RPS6KA2: variants seen among roughly 807,000 people sequenced by gnomAD.
RPS6KA2 encodes the protein ribosomal protein S6 kinase A2.
RPS6KA2 carries 42 observed loss-of-function variants against 91.8 expected under a neutral mutation model. That is an observed-to-expected ratio of 0.46 (90% CI 0.36 to 0.59). RPS6KA2 has a LOEUF of 0.59. Among genes scored for constraint, RPS6KA2 ranks in the 20% least tolerant of loss-of-function variants. RPS6KA2 has a pLI of 0.00. For synonymous variants in RPS6KA2, 414 were observed against 393.6 expected (o/e 1.05, Z -0.61); for missense variants, 798 against 978.5 (o/e 0.82, Z 2.46).
rs73788109 is a variant in RPS6KA2 at position 166,745,815 on chromosome 6, T to C, written c.123+112385A>G. 7.4e-3 allele frequency among the ~76,000 whole-genome samples: 1,134 copies of C among 152,276 alleles called. 11 individuals carry two copies. Among genetic ancestry groups the C allele is most frequent in the African/African-American group, 0.026 (1,069 of 41,542 alleles). ...CCTGCCACAACTCCCTAGTGTGTCA[T>C]GGTTTAAAAATTATCTACCGAAATG... On this transcript the variant is annotated intron_variant, in intron 2 of 21. Coordinates refer to the RPS6KA2 transcript ENST00000503859.
At chr6:166,775,917 C>A (rs941558801) in intron 2 of RPS6KA2, among the ~76,000 whole-genome samples, 2 of 151,690 alleles carry the variant, frequency 1.3e-5, no homozygotes, top group Non-Finnish European at 2.9e-5. Context: ...ATGGAGGAAC[C>A]ACTGTGGACA....
chr6:166,728,161 AT>A (rs1790397638), intron 2 of RPS6KA2, among the ~76,000 whole-genome samples: 1 of 152,166 alleles, frequency 6.6e-6, no homozygotes, highest in African/African-American at 2.4e-5. Context: ...AGCAGTGCAA[AT>A]TTTGGTGTCG....
intron 10 of RPS6KA2, among the ~76,000 whole-genome samples, chr6:166,486,107 C>T (rs998220150): frequency 6.6e-6 from 1 of 152,212 alleles, no homozygotes; most frequent in African/African-American, 2.4e-5. Context: ...ACCGTCACCA[C>T]TGATGAAAAG....
At chr6:166,827,150 G>T (rs762482350) in intron 2 of RPS6KA2, among the ~76,000 whole-genome samples, 17 of 150,532 alleles carry the variant, frequency 1.1e-4, no homozygotes, top group Non-Finnish European at 2.4e-4. Context: ...TTGACAAATA[G>T]AGCTGGGGAA....
At position 166,778,290 on chromosome 6, in the gene RPS6KA2, G is replaced by A. The variant is rs1307811148; in HGVS notation, c.123+79910C>T. ...GATGGCCTCTGCAACGACTGGCGCC[G>A]GCCAACTGACTGATCAACCTCATAC... On this transcript the variant is annotated intron_variant, in intron 2 of 21. Transcript: ENST00000503859. Among the ~76,000 whole-genome samples the A allele has an allele frequency of 4.6e-5, 7 of 152,308 alleles. No individual in the cohort carries two copies. In the East Asian group the frequency reaches 5.8e-4, roughly 13 times the overall value.
intron 2 of RPS6KA2, among the ~76,000 whole-genome samples, chr6:166,740,700 A>G (rs1435883819): frequency 1.3e-5 from 2 of 152,258 alleles, no homozygotes; most frequent in Non-Finnish European, 2.9e-5. Context: ...ACTGATTTCC[A>G]GAATTTATAA....
intron 1 of RPS6KA2, among the ~76,000 whole-genome samples, chr6:166,546,784 T>A (rs1198626585): frequency 6.6e-6 from 1 of 152,196 alleles, no homozygotes; most frequent in East Asian, 1.9e-4. Context: ...TATTGGTGAA[T>A]GTTTGGTCAA....
At chr6:166,523,006 G>A (rs1782911030) in intron 3 of RPS6KA2, among the ~76,000 whole-genome samples, 1 of 152,122 alleles carries the variant, frequency 6.6e-6, no homozygotes, top group Admixed American at 6.5e-5. Flanking sequence ...AAAATCTTAA[G>A]CCCATTACTC....
At chr6:166,799,318 C>G (rs145318743) in intron 2 of RPS6KA2, among the ~76,000 whole-genome samples, 3 of 152,248 alleles carry the variant, frequency 2.0e-5, no homozygotes, top group African/African-American at 4.8e-5. Flanking sequence ...AAATTTTAAT[C>G]AATTGTATAC....
intron 1 of RPS6KA2, among the ~76,000 whole-genome samples, chr6:166,549,048 C>T (rs1783915149): frequency 1.3e-5 from 2 of 152,252 alleles, no homozygotes. Context: ...TGAAGATACA[C>T]AGATGACAAA....
At chr6:166,454,744 C>T (rs948300763) in intron 12 of RPS6KA2, among the ~76,000 whole-genome samples, 1 of 151,984 alleles carries the variant, frequency 6.6e-6, no homozygotes, top group African/African-American at 2.4e-5. Flanking sequence ...GTTGCATGGA[C>T]TGACAGAGAC....
At position 166,434,573 on chromosome 6, in the gene RPS6KA2, G is replaced by A. The variant is rs369042548; in HGVS notation, c.1333-2083C>T. On this transcript the variant is annotated intron_variant, in intron 14 of 20. Coordinates refer to ENST00000265678, the MANE Select transcript of RPS6KA2 (RefSeq NM_021135.6). This position sits in a 1 kb window ranked among gnomAD's most constrained non-coding sequence, Gnocchi z 4.4. ...GCTCCTGTCTGCCTGTGGGCATCCC[G>A]TCTATCGGGGCCGGGATCCTGTCTT... is the stretch of plus-strand genomic sequence containing the variant. Among the ~76,000 whole-genome samples, 11 of 152,318 alleles carry A rather than the reference G, an allele frequency of 7.2e-5. No homozygotes were observed. In the East Asian group the frequency reaches 9.7e-4, roughly 13 times the overall value.
intron 2 of RPS6KA2, among the ~76,000 whole-genome samples, chr6:166,691,838 A>G (rs959604398): frequency 6.6e-6 from 1 of 152,214 alleles, no homozygotes; most frequent in Non-Finnish European, 1.5e-5. Context: ...CATCTTCTAT[A>G]CCCTTACACG....
At chr6:166,777,607 A>C (rs956684866) in intron 2 of RPS6KA2, among the ~76,000 whole-genome samples, 4 of 152,228 alleles carry the variant, frequency 2.6e-5, no homozygotes, top group African/African-American at 7.2e-5. Flanking sequence ...AAGTTATAAA[A>C]TCATAAAGAA....
chr6:166,698,068 G>A (rs149230247), intron 2 of RPS6KA2, among the ~76,000 whole-genome samples: 231 of 152,288 alleles, frequency 1.5e-3, no homozygotes, highest in African/African-American at 5.4e-3. Context: ...ACTGGGGTCC[G>A]GCTGGGATTC....
At chr6:166,591,085 G>C (rs887722850) in intron 1 of RPS6KA2, among the ~76,000 whole-genome samples, 6 of 152,234 alleles carry the variant, frequency 3.9e-5, no homozygotes, top group African/African-American at 1.4e-4. Flanking sequence ...ATGCCAGAGA[G>C]CAATGTTCAC....
At chr6:166,716,144 A>G (rs1790008507) in intron 2 of RPS6KA2, among the ~76,000 whole-genome samples, 1 of 152,062 alleles carries the variant, frequency 6.6e-6, no homozygotes. Flanking sequence ...GCAAAATGAC[A>G]TATAACTAAA....
At chr6:166,727,020 G>A (rs1352083183) in intron 2 of RPS6KA2, among the ~76,000 whole-genome samples, 1 of 152,078 alleles carries the variant, frequency 6.6e-6, no homozygotes, top group Non-Finnish European at 1.5e-5. Flanking sequence ...AAACTTACAC[G>A]ACTTTATCAG....
At chr6:166,428,757 A>C (rs1779015932) in intron 16 of RPS6KA2, among the ~76,000 whole-genome samples, 1 of 152,212 alleles carries the variant, frequency 6.6e-6, no homozygotes, top group Non-Finnish European at 1.5e-5. Flanking sequence ...ACAAATCAAA[A>C]CCACTTTTCA....
Sources: gnomAD v4.1 joint callset for allele counts (sites outside exome capture counted in the v4.1 genomes callset) on GRCh38, gnomAD v4.1.1 for gene constraint, Gnocchi (gnomAD v3.1) non-coding constraint, MANE v1.5 for transcripts, NCBI Gene and HGNC (gene_info 2026-07-23, HGNC 2026-07-21) for gene names.